Variants in CACNA1E observed in about 807,000 individuals in gnomAD.
CACNA1E encodes the protein voltage-dependent R-type calcium channel subunit alpha-1E.
CACNA1E carries 40 observed loss-of-function variants against 259.2 expected under a neutral mutation model. That is an observed-to-expected ratio of 0.15 (90% confidence interval 0.12 to 0.20). CACNA1E has a LOEUF of 0.20. Among genes scored for constraint, CACNA1E ranks in the 10% least tolerant of loss-of-function variants. The pLI is 1.00. For missense variants in CACNA1E, 1,874 were observed against 3,040.1 expected (o/e 0.62, Z 9.02); for synonymous variants, 1,104 against 1,138.5 (o/e 0.97, Z 0.61).
chr1:181,367,790 A>C (rs1654390460), intron 1 of CACNA1E, among the ~76,000 whole-genome samples: 1 of 152,074 alleles, frequency 6.6e-6, no homozygotes, highest in Non-Finnish European at 1.5e-5. Flanking sequence ...AAATGCAATG[A>C]ATATAATTCT....
intron 6 of CACNA1E, among the ~76,000 whole-genome samples, chr1:181,585,427 A>G (rs113124683): frequency 2.6e-4 from 39 of 152,346 alleles, no homozygotes; most frequent in Admixed American, 1.1e-3. Context: ...TATGTGCCAA[A>G]TACTGTTCTA....
intron 7 of CACNA1E, among the ~76,000 whole-genome samples, chr1:181,654,376 C>T (rs1659017749): frequency 6.6e-6 from 1 of 151,878 alleles, no homozygotes; most frequent in Admixed American, 6.6e-5. Flanking sequence ...TAGGATTGAT[C>T]CAGCTTTTAA....
chr1:181,401,965 A>G (rs1367578350), intron 1 of CACNA1E, among the ~76,000 whole-genome samples: 1 of 152,174 alleles, frequency 6.6e-6, no homozygotes, highest in African/African-American at 2.4e-5. Context: ...GCCCTGGGGC[A>G]CTTGTGTTTG....
intron 25 of CACNA1E, among the ~76,000 whole-genome samples, chr1:181,740,510 C>T (rs1656464772): frequency 6.6e-6 from 1 of 151,874 alleles, no homozygotes; most frequent in African/African-American, 2.4e-5. Context: ...TCTCAAGTGG[C>T]CTGGTGGGGG....
At chr1:181,484,667 T>G (rs1217110362) in intron 1 of CACNA1E, among the ~76,000 whole-genome samples, 1 of 152,218 alleles carries the variant, frequency 6.6e-6, no homozygotes, top group Admixed American at 6.5e-5. Flanking sequence ...GAGCTCAAAC[T>G]TGGAGTTCTC....
intron 6 of CACNA1E, among the ~76,000 whole-genome samples, chr1:181,603,175 G>A (rs771444870): frequency 6.6e-6 from 1 of 152,224 alleles, no homozygotes; most frequent in Non-Finnish European, 1.5e-5. Context: ...ATGAGGGTAA[G>A]GAATGATAGC....
chr1:181,762,805 T>C, intron 33 of CACNA1E, 148 bp downstream of exon 33: 1 of 629,678 alleles, frequency 1.6e-6, no homozygotes, highest in Non-Finnish European at 2.8e-6. Flanking sequence ...CTGCTTGGCA[T>C]CAGCCAGGGA....
At chr1:181,542,833 A>G (rs1668698694) in intron 3 of CACNA1E, among the ~76,000 whole-genome samples, 1 of 150,872 alleles carries the variant, frequency 6.6e-6, no homozygotes. Flanking sequence ...ACCTAAAGTA[A>G]CTTTTGTGGA....
At chr1:181,380,841 C>T (rs928513071) in intron 1 of CACNA1E, among the ~76,000 whole-genome samples, 1 of 152,086 alleles carries the variant, frequency 6.6e-6, no homozygotes, top group African/African-American at 2.4e-5. Context: ...AACCATTTTA[C>T]CCAAAATAAT....
chr1:181,762,520 C>T (rs1558359391), intron 32 of CACNA1E, 54 bp from the exon 33 acceptor site: 2 of 1,033,130 alleles, frequency 1.9e-6, no homozygotes, highest in South Asian at 1.4e-5. Context: ...TGTCTTTTCT[C>T]CTTTTTTTTT....
chr1:181,396,068 C>A (rs949752012), intron 1 of CACNA1E, among the ~76,000 whole-genome samples: 2 of 152,186 alleles, frequency 1.3e-5, no homozygotes, highest in Non-Finnish European at 2.9e-5. Flanking sequence ...TCAACTGGGG[C>A]TGGAGAATCC....
chr1:181,537,095 CTTTTTTTTTTTT>C, intron 3 of CACNA1E, among the ~76,000 whole-genome samples: 1 of 112,644 alleles, frequency 8.9e-6, no homozygotes, highest in East Asian at 2.4e-4. Flanking sequence ...TTTTTCTTTT[CTTTTTTTTTTTT>C]TTTTTTTTTG....
upstream of CACNA1E, chr1:181,483,489 T>A: frequency 3.0e-6 from 1 of 332,074 alleles, no homozygotes; most frequent in Non-Finnish European, 5.4e-6. Context: ...ACCCGCTTTT[T>A]TTTTCTTTTT....
chr1:181,391,933 CTCTCTCTCTCTCTG>C (rs1418453390), intron 1 of CACNA1E, among the ~76,000 whole-genome samples: 219 of 79,684 alleles, frequency 2.7e-3, no homozygotes, highest in Admixed American at 5.3e-3. Context: ...CTGTCTCTCT[CTCTCTCTCTCTCTG>C]TGTGTGTGTG....
Position 181,757,958 on chromosome 1 carries a change from C to T in CACNA1E, c.4341C>T (p.Ile1447=), listed in dbSNP as rs748583200. The T allele has an allele frequency of 2.7e-5, 44 of 1,613,778 alleles. No homozygotes were observed. Among genetic ancestry groups the T allele is most frequent in the African/African-American group, 8.0e-5 (6 of 74,918 alleles). ...CSLEKNERAC[I]DFAISAKPLT... ...TGACTTTCTTGCAGAGGGCGTGCATCGACTTCGCCATCAGCGCCAAACCTC... is the reference window on the plus strand; with the variant it reads ...TGACTTTCTTGCAGAGGGCGTGCATTGACTTCGCCATCAGCGCCAAACCTC... The change falls in exon 31 of 48, where the codon ATC becomes ATT. Residue 1447 remains isoleucine (I), a synonymous_variant. Transcript: ENST00000367573.
At chr1:181,771,068 A>T (rs1659464077) in intron 35 of CACNA1E, among the ~76,000 whole-genome samples, 2 of 152,122 alleles carry the variant, frequency 1.3e-5, no homozygotes, top group Non-Finnish European at 2.9e-5. Flanking sequence ...TTATGCTTGG[A>T]CCTTGCTGCA....
At chr1:181,342,023 G>T (rs1297328923) in intron 1 of CACNA1E, among the ~76,000 whole-genome samples, 2 of 152,204 alleles carry the variant, frequency 1.3e-5, no homozygotes, top group African/African-American at 4.8e-5. Flanking sequence ...GGAAGAGGGA[G>T]ATTTGGGAGT....
intron 2 of CACNA1E, among the ~76,000 whole-genome samples, chr1:181,466,547 T>TAAACAAAACAAAACA (rs1553255429): frequency 6.6e-6 from 1 of 151,086 alleles, no homozygotes; most frequent in Admixed American, 6.6e-5. Flanking sequence ...GACTCTGTCT[T>TAAACAAAACAAAACA]AAACAAAACA....
intron 7 of CACNA1E, among the ~76,000 whole-genome samples, chr1:181,669,230 T>A (rs1015800391): frequency 1.3e-5 from 2 of 152,216 alleles, no homozygotes; most frequent in Non-Finnish European, 2.9e-5. Context: ...ACTGCTAGCT[T>A]CACTCACCAT....
Sources: gnomAD v4.1 joint callset for allele counts (sites outside exome capture counted in the v4.1 genomes callset) on GRCh38, gnomAD v4.1.1 for gene constraint, MANE v1.5 for transcripts, NCBI Gene and HGNC (gene_info 2026-07-23, HGNC 2026-07-21) for gene names.